Variants in QTMAN observed in about 807,000 individuals in gnomAD.
QTMAN encodes tRNA-queuosine alpha-mannosyltransferase.
At chr2:144,236,258 C>T in the QTMAN span, among the ~76,000 whole-genome samples, 4 of 152,042 alleles carry the variant, frequency 2.6e-5, no homozygotes, top group South Asian at 2.1e-4. Context: ...CAGAGAAACA[C>T]AGACACTTGC....
the QTMAN span, among the ~76,000 whole-genome samples, chr2:144,085,143 T>A: frequency 1.3e-5 from 2 of 152,272 alleles, no homozygotes; most frequent in African/African-American, 4.8e-5. Flanking sequence ...GAGTCAAAGG[T>A]TCTGTATTGT....
chr2:144,145,986 A>AT, the QTMAN span: 1 of 120,130 alleles, frequency 8.3e-6, no homozygotes, highest in Non-Finnish European at 1.4e-5. Context: ...GAAATGTTAA[A>AT]AAAAAAAAAA....
At chr2:144,244,205 A>G in the QTMAN span, among the ~76,000 whole-genome samples, 2 of 152,342 alleles carry the variant, frequency 1.3e-5, no homozygotes, top group Non-Finnish European at 1.5e-5. Flanking sequence ...ATGGGCATAA[A>G]CAACTCCAAC....
At chr2:144,327,643 G>C in the QTMAN span, among the ~76,000 whole-genome samples, 1 of 152,138 alleles carries the variant, frequency 6.6e-6, no homozygotes, top group East Asian at 1.9e-4. Context: ...AGCAGCCATG[G>C]AGCCTAGATC....
chr2:144,175,016 C>G, the QTMAN span, among the ~76,000 whole-genome samples: 2 of 151,888 alleles, frequency 1.3e-5, 1 homozygote, highest in South Asian at 4.1e-4. Flanking sequence ...GGTAGGGGAC[C>G]AGGAAGTAAA....
chr2:144,145,556 T>C, the QTMAN span: 1 of 1,589,514 alleles, frequency 6.3e-7, no homozygotes, highest in Non-Finnish European at 8.6e-7. Context: ...AATATAATGA[T>C]ACAATCCATA....
At chr2:144,302,919 T>C in the QTMAN span, among the ~76,000 whole-genome samples, 2 of 152,114 alleles carry the variant, frequency 1.3e-5, no homozygotes, top group Non-Finnish European at 2.9e-5. Context: ...CTGGCCACCA[T>C]GGTGAAACCC....
At chr2:144,329,404 A>C in the QTMAN span, among the ~76,000 whole-genome samples, 1 of 152,228 alleles carries the variant, frequency 6.6e-6, no homozygotes, top group African/African-American at 2.4e-5. Flanking sequence ...CATTTGGGAC[A>C]ATTTGCCAAG....
the QTMAN span, among the ~76,000 whole-genome samples, chr2:143,966,028 C>A: frequency 6.6e-6 from 1 of 152,154 alleles, no homozygotes; most frequent in South Asian, 2.1e-4. Flanking sequence ...TAGTACTGAA[C>A]CCTATATTTA....
the QTMAN span, among the ~76,000 whole-genome samples, chr2:144,083,593 A>G: frequency 6.6e-5 from 10 of 152,332 alleles, 2 homozygotes; most frequent in African/African-American, 2.4e-4. Flanking sequence ...ATATTACTGG[A>G]GGAGGATAGG....
At chr2:144,298,223 T>C in the QTMAN span, among the ~76,000 whole-genome samples, 1 of 151,954 alleles carries the variant, frequency 6.6e-6, no homozygotes, top group Non-Finnish European at 1.5e-5. Context: ...TATCACTGTG[T>C]TAGCCAGGAT....
chr2:144,167,587 G>A, the QTMAN span, among the ~76,000 whole-genome samples: 1 of 152,020 alleles, frequency 6.6e-6, no homozygotes, highest in Non-Finnish European at 1.5e-5. Flanking sequence ...GAGATCTGAT[G>A]GTTTTATGAG....
At chr2:144,225,040 C>G in the QTMAN span, among the ~76,000 whole-genome samples, 4 of 152,156 alleles carry the variant, frequency 2.6e-5, no homozygotes, top group African/African-American at 9.7e-5. Flanking sequence ...GCTCACATAA[C>G]TATTCAAATT....
At chr2:143,973,399 A>G in the QTMAN span, among the ~76,000 whole-genome samples, 3 of 152,184 alleles carry the variant, frequency 2.0e-5, no homozygotes, top group Non-Finnish European at 4.4e-5. Context: ...TAAATTAGTA[A>G]ATTACATATT....
chr2:144,037,622 C>G, the QTMAN span, among the ~76,000 whole-genome samples: 1 of 152,176 alleles, frequency 6.6e-6, no homozygotes, highest in Non-Finnish European at 1.5e-5. Context: ...AAATAATAAT[C>G]CTTCTTAAAT....
the QTMAN span, among the ~76,000 whole-genome samples, chr2:144,143,374 T>G: frequency 1.3e-5 from 2 of 151,840 alleles, no homozygotes; most frequent in African/African-American, 4.8e-5. Flanking sequence ...ACAGAATAAG[T>G]AGAGCTTATA....
At chr2:144,256,565 C>G in the QTMAN span, among the ~76,000 whole-genome samples, 1 of 152,204 alleles carries the variant, frequency 6.6e-6, no homozygotes, top group South Asian at 2.1e-4. Flanking sequence ...ATGAATGAAG[C>G]TGGAAACCAT....
chr2:144,167,555 C>T, the QTMAN span, among the ~76,000 whole-genome samples: 1 of 152,010 alleles, frequency 6.6e-6, no homozygotes, highest in Non-Finnish European at 1.5e-5. Context: ...ATGCTGTTCT[C>T]GTGATAATGA....
chr2:144,321,039 G>A, the QTMAN span, among the ~76,000 whole-genome samples: 1 of 152,130 alleles, frequency 6.6e-6, no homozygotes, highest in South Asian at 2.1e-4. Flanking sequence ...TCCCAACTTA[G>A]AAACACCCAA....
Sources: allele counts gnomAD v4.1 joint callset (sites outside exome capture counted in the v4.1 genomes callset), GRCh38; gene constraint gnomAD v4.1.1; transcripts MANE v1.5; gene names NCBI Gene and HGNC (gene_info 2026-07-23, HGNC 2026-07-21).